The following CSMD2 variants were observed in gnomAD, a reference collection of about 807,000 sequenced individuals.
CSMD2 encodes CUB and Sushi multiple domains 2, also known as CUB and sushi domain-containing protein 2.
CSMD2 carries 130 observed loss-of-function variants against 398.5 expected under a neutral mutation model. That is an observed-to-expected ratio of 0.33 (90% confidence interval 0.28 to 0.38). The LOEUF (loss-of-function observed/expected upper bound fraction) is 0.38. CSMD2 is among the 10% of genes least tolerant of loss of function. CSMD2 has a pLI of 1.00. For missense variants in CSMD2, 3,829 were observed against 4,764.9 expected (o/e 0.80, Z 5.78); for synonymous variants, 1,828 against 1,908.5 (o/e 0.96, Z 1.10).
chr1:34,019,763 C>T (rs1203283784), intron 3 of CSMD2, among the ~76,000 whole-genome samples: 3 of 152,178 alleles, frequency 2.0e-5, no homozygotes, highest in Admixed American at 1.3e-4. Context: ...CGAACTCCTT[C>T]CTGTGGCCTC....
At chr1:34,014,039 C>T (rs965525209) in intron 3 of CSMD2, among the ~76,000 whole-genome samples, 6 of 152,198 alleles carry the variant, frequency 3.9e-5, no homozygotes, top group African/African-American at 1.4e-4. Flanking sequence ...CCCCCCAAAC[C>T]CTGGGAGCTA....
intron 13 of CSMD2, among the ~76,000 whole-genome samples, chr1:33,771,681 C>T (rs563011693): frequency 2.6e-5 from 4 of 152,220 alleles, no homozygotes; most frequent in South Asian, 2.1e-4. Context: ...GAGGGATCAC[C>T]GATCTCTAGT....
At chr1:33,994,403 AC>A (rs984203691) in intron 3 of CSMD2, among the ~76,000 whole-genome samples, 1 of 152,032 alleles carries the variant, frequency 6.6e-6, no homozygotes, top group African/African-American at 2.4e-5. Flanking sequence ...ACTGCCTCCC[AC>A]TAGGCCAGCT....
intron 9 of CSMD2, 87 bp from the exon 10 acceptor site, chr1:33,810,951 G>T: frequency 6.9e-7 from 1 of 1,455,170 alleles, no homozygotes. Context: ...AGAAGACACT[G>T]CATCTGTACA....
chr1:33,954,409 G>A (rs566979448), intron 3 of CSMD2, among the ~76,000 whole-genome samples: 3 of 151,882 alleles, frequency 2.0e-5, no homozygotes, highest in African/African-American at 7.3e-5. Flanking sequence ...TGGTGGTGGG[G>A]GGAGGGAACA....
At position 33,994,128 on chromosome 1, in the gene CSMD2, G is replaced by A. The variant is rs369021713; in HGVS notation, c.517+38466C>T. On this transcript the variant is annotated intron_variant, in intron 3 of 70. Coordinates refer to ENST00000373381, the MANE Select transcript of CSMD2 (RefSeq NM_001281956.2). ...GTGAGGATACCCTTAAAGGAATCTAGGGGAGAGATAAAAAGATAATTGAGG... is the reference window on the plus strand; with the variant it reads ...GTGAGGATACCCTTAAAGGAATCTAAGGGAGAGATAAAAAGATAATTGAGG... Among the ~76,000 whole-genome samples the A allele has an allele frequency of 1.2e-4, 19 of 152,270 alleles. No individual in the cohort carries two copies. The East Asian group carries it at 2.3e-3, about 19-fold the overall frequency.
chr1:34,040,100 A>AG (rs2148183639), intron 2 of CSMD2, among the ~76,000 whole-genome samples: 1 of 152,202 alleles, frequency 6.6e-6, no homozygotes, highest in African/African-American at 2.4e-5. Flanking sequence ...CTGAAGTGGG[A>AG]GGATCACTTG....
intron 25 of CSMD2, among the ~76,000 whole-genome samples, chr1:33,670,206 T>C (rs1361249325): frequency 1.3e-5 from 2 of 152,194 alleles, no homozygotes; most frequent in Non-Finnish European, 2.9e-5. Flanking sequence ...AGGCTCCTGC[T>C]CTATCAGAGT....
At position 33,830,741 on chromosome 1, in the gene CSMD2, G is replaced by A. The variant is rs563031138; in HGVS notation, c.1034-4967C>T. 1.2e-4 allele frequency among the ~76,000 whole-genome samples: 19 copies of A among 152,288 alleles called. No individual in the cohort carries two copies. The East Asian group carries it at 3.5e-3, about 28-fold the overall frequency. On this transcript the variant is annotated intron_variant, in intron 6 of 70. Coordinates refer to ENST00000373381, the MANE Select transcript of CSMD2 (RefSeq NM_001281956.2). The stretch of plus-strand genomic sequence containing the variant: ...CTACAAGAGGAAATTCAAACCAAAG[G>A]CAAAGAAGTTGAAAACTTTGAAAAA...
intron 5 of CSMD2, among the ~76,000 whole-genome samples, chr1:33,892,573 T>G (rs185561144): frequency 2.0e-5 from 3 of 152,302 alleles, no homozygotes; most frequent in Non-Finnish European, 4.4e-5. Flanking sequence ...CATACGGCAT[T>G]TGGTTTTCCA....
chr1:33,871,726 C>T (rs989948372), intron 5 of CSMD2, among the ~76,000 whole-genome samples: 12 of 152,192 alleles, frequency 7.9e-5, no homozygotes, highest in Non-Finnish European at 1.6e-4. Context: ...AAGTGATTCT[C>T]CTGTCTCAGC....
intron 29 of CSMD2, among the ~76,000 whole-genome samples, chr1:33,641,039 C>G (rs528567755): frequency 2.0e-5 from 3 of 152,190 alleles, no homozygotes; most frequent in African/African-American, 7.2e-5. Context: ...CCCTCTGAAA[C>G]GCCCCTGGCC....
chr1:33,607,976 T>C (rs1001187135), intron 41 of CSMD2, among the ~76,000 whole-genome samples: 1 of 152,218 alleles, frequency 6.6e-6, no homozygotes, highest in Non-Finnish European at 1.5e-5. Flanking sequence ...AGAGGAGGAC[T>C]GGGCCTGTGG....
intron 5 of CSMD2, among the ~76,000 whole-genome samples, chr1:33,867,642 C>A (rs1018298677): frequency 6.6e-6 from 1 of 152,240 alleles, no homozygotes; most frequent in Admixed American, 6.5e-5. Context: ...TATCTCCAGC[C>A]TCTACCTTCC....
At chr1:33,761,015 C>A (rs1649755571) in intron 13 of CSMD2, among the ~76,000 whole-genome samples, 1 of 152,168 alleles carries the variant, frequency 6.6e-6, no homozygotes, top group South Asian at 2.1e-4. Context: ...CAAAACTCCC[C>A]ATTTGCAGGA....
At chr1:34,021,457 C>T (rs1224089344) in intron 3 of CSMD2, among the ~76,000 whole-genome samples, 2 of 152,128 alleles carry the variant, frequency 1.3e-5, no homozygotes, top group African/African-American at 4.8e-5. Flanking sequence ...AGGTCCCCAC[C>T]CAGTGGTTCT....
At chr1:33,622,067 G>A in intron 37 of CSMD2, 100 bp downstream of exon 37, 1 of 880,442 alleles carries the variant, frequency 1.1e-6, no homozygotes, top group Non-Finnish European at 1.9e-6. Context: ...TAAGTGGGAT[G>A]GACAATATGC....
At chr1:33,526,823 G>A (rs1262649315) in intron 65 of CSMD2, among the ~76,000 whole-genome samples, 1 of 152,232 alleles carries the variant, frequency 6.6e-6, no homozygotes, top group Non-Finnish European at 1.5e-5. Flanking sequence ...TACTTGGAAA[G>A]ACCCCAGACC....
At position 33,772,582 on chromosome 1, in the gene CSMD2, C is replaced by T. The variant is rs747346080; in HGVS notation, c.1833G>A (p.Lys611=). 3.1e-6 allele frequency: 5 copies of T among 1,613,442 alleles called. No individual in the cohort carries two copies. The highest frequency in any genetic ancestry group is 4.2e-6 in the Non-Finnish European group (5 of 1,179,654). ...CQKNNQWSAK[K]PGCVFSCFFN... is the part of the protein sequence containing the mutation. ...CTGCTCACTTACACACGCAGCCTGG[C>T]TTCTTAGCCGACCATTGGTTATTCT... Residue 611 remains lysine (K), a synonymous_variant, in exon 13 of 71, where the codon AAG becomes AAA. Coordinates refer to ENST00000373381, the MANE Select transcript of CSMD2 (RefSeq NM_001281956.2).
Sources: gnomAD v4.1 joint callset for allele counts (sites outside exome capture counted in the v4.1 genomes callset) on GRCh38, gnomAD v4.1.1 for gene constraint, MANE v1.5 for transcripts, NCBI Gene and HGNC (gene_info 2026-07-23, HGNC 2026-07-21) for gene names.